KDM5A: variants seen among roughly 807,000 people sequenced by gnomAD.
The protein encoded by KDM5A is lysine demethylase 5A.
Under a neutral mutation model 193.5 loss-of-function variants are expected in KDM5A, and 42 were observed. The ratio of observed to expected loss-of-function variants is 0.22; its 90% CI spans 0.17 to 0.28. KDM5A has a LOEUF of 0.28. Among genes scored for constraint, KDM5A ranks in the 10% least tolerant of loss-of-function variants. The probability of loss-of-function intolerance (pLI) is 1.00; values close to 1 mark genes in which losing one functional copy is unlikely to be tolerated. For synonymous variants in KDM5A, 796 were observed against 718.1 expected (o/e 1.11, Z -1.73); for missense variants, 1,692 against 2,055.1 (o/e 0.82, Z 3.42).
chr12:318,610 T>C (rs1943679555), intron 18 of KDM5A, 149 bp from the exon 19 acceptor site: 3 of 631,490 alleles, frequency 4.8e-6, no homozygotes, highest in Non-Finnish European at 2.8e-6. Flanking sequence ...GACAGTTAAA[T>C]TAATAAATAT....
At chr12:322,614 A>G in intron 16 of KDM5A, 47 bp from the exon 17 acceptor site, 1 of 1,551,356 alleles carries the variant, frequency 6.4e-7, no homozygotes, top group South Asian at 1.1e-5. Flanking sequence ...CATAGACACA[A>G]AAAGCCATTC....
At chr12:344,166 G>A (rs1944041847) in intron 10 of KDM5A, among the ~76,000 whole-genome samples, 1 of 152,216 alleles carries the variant, frequency 6.6e-6, no homozygotes, top group Non-Finnish European at 1.5e-5. Context: ...AAGGGTATCA[G>A]TGATTGAAGA....
At chr12:316,824 CTAAT>C (rs1163721386) in intron 19 of KDM5A, among the ~76,000 whole-genome samples, 1 of 152,142 alleles carries the variant, frequency 6.6e-6, no homozygotes, top group East Asian at 1.9e-4. Context: ...CAGAGCTGTG[CTAAT>C]TAAATCACCT....
At chr12:370,068 G>A (rs1349693660) in intron 3 of KDM5A, among the ~76,000 whole-genome samples, 1 of 152,142 alleles carries the variant, frequency 6.6e-6, no homozygotes, top group East Asian at 1.9e-4. Flanking sequence ...TCTTTGGCTG[G>A]CAGATTCAAA....
At chr12:354,281 T>A (rs1944202681) in intron 7 of KDM5A, 47 bp from the exon 8 acceptor site, 1 of 1,377,346 alleles carries the variant, frequency 7.3e-7, no homozygotes, top group African/African-American at 1.5e-5. Flanking sequence ...TAATAAATAA[T>A]AAATTTTTAC....
chr12:338,680 T>C (rs1018657144), intron 10 of KDM5A, among the ~76,000 whole-genome samples: 3 of 152,142 alleles, frequency 2.0e-5, no homozygotes, highest in African/African-American at 7.2e-5. Context: ...CATCTCAACA[T>C]GTGATAAGGA....
intron 13 of KDM5A, among the ~76,000 whole-genome samples, chr12:331,577 A>T (rs905013214): frequency 2.0e-5 from 3 of 152,244 alleles, no homozygotes; most frequent in African/African-American, 7.2e-5. Flanking sequence ...ATGGAAGTGA[A>T]GGAAGCAAGT....
In KDM5A at chr12:388,978, G is replaced by A; in HGVS notation, c.114C>T (p.Arg38=). 3 of 1,614,210 alleles carry A rather than the reference G, an allele frequency of 1.9e-6. No homozygotes were observed. The highest frequency in any genetic ancestry group is 2.2e-5 in the South Asian group (2 of 91,090). Residue 38 remains arginine, a synonymous_variant, in exon 1 of 28, where the codon CGC becomes CGT. Coordinates refer to ENST00000399788, the MANE Select transcript of KDM5A (RefSeq NM_001042603.3). ...EFTDPLSFIG[R]IRPLAEKTGI... ...CGGTTTTCTCCGCCAAAGGCCGGAT[G>A]CGGCCGATAAAGCTGAGCGGATCTG...
intron 27 of KDM5A, among the ~76,000 whole-genome samples, chr12:290,883 T>C (rs369401690): frequency 3.3e-5 from 5 of 152,228 alleles, no homozygotes; most frequent in East Asian, 3.9e-4. Flanking sequence ...GTAAACATTA[T>C]AGAAAGAATG....
chr12:322,340 C>A, intron 17 of KDM5A, 77 bp downstream of exon 17: 1 of 1,379,382 alleles, frequency 7.2e-7, no homozygotes, highest in Non-Finnish European at 1.0e-6. Context: ...TACGGCTTCA[C>A]AGGCCGGATA....
In KDM5A at chr12:299,661, T is replaced by A. The variant is rs1432918509; in HGVS notation, c.4075-2461A>T. On this transcript the variant is annotated intron_variant, in intron 24 of 27. Transcript: ENST00000399788. ...TCAACTAACAGGCAAAATAACCAGCTAACATCATAATGACAGGATCAAATT... is the reference window on the plus strand; with the variant it reads ...TCAACTAACAGGCAAAATAACCAGCAAACATCATAATGACAGGATCAAATT... Among the ~76,000 whole-genome samples the A allele has an allele frequency of 3.3e-5, 5 of 152,112 alleles. No homozygotes were observed. The East Asian group carries it at 9.6e-4, about 29-fold the overall frequency.
intron 18 of KDM5A, among the ~76,000 whole-genome samples, chr12:319,335 G>C (rs904651273): frequency 4.6e-5 from 7 of 152,190 alleles, no homozygotes; most frequent in African/African-American, 7.2e-5. Context: ...GCATAGTTTA[G>C]GCAACGGAGA....
chr12:367,582 A>T (rs1944373448), intron 3 of KDM5A, among the ~76,000 whole-genome samples: 1 of 152,258 alleles, frequency 6.6e-6, no homozygotes, highest in South Asian at 2.1e-4. Flanking sequence ...CACACCTATA[A>T]TCCCAGCTAC....
At chr12:372,728 T>G (rs566164185) in intron 3 of KDM5A, among the ~76,000 whole-genome samples, 1 of 152,202 alleles carries the variant, frequency 6.6e-6, no homozygotes, top group Non-Finnish European at 1.5e-5. Context: ...GGCTGTGGGT[T>G]TGTCATAAAT....
intron 19 of KDM5A, among the ~76,000 whole-genome samples, chr12:316,264 T>G (rs1228825685): frequency 6.6e-6 from 1 of 152,258 alleles, no homozygotes; most frequent in Non-Finnish European, 1.5e-5. Flanking sequence ...ACACTAATTA[T>G]TTGAAATTCA....
At chr12:372,455 T>C (rs1944440980) in intron 3 of KDM5A, among the ~76,000 whole-genome samples, 1 of 152,238 alleles carries the variant, frequency 6.6e-6, no homozygotes, top group African/African-American at 2.4e-5. Context: ...TCCTGAGACT[T>C]TGCTGAAGTT....
chr12:389,002 T>G lies in KDM5A; in HGVS notation c.90A>C (p.Thr30=). 6.2e-7 allele frequency: 1 copy of G among 1,613,988 alleles called. No individual in the cohort carries two copies. Among genetic ancestry groups the G allele is most frequent in the South Asian group, 1.1e-5 (1 of 91,078 alleles). The stretch of plus-strand genomic sequence containing the variant: ...TGCGGCCGATAAAGCTGAGCGGATC[T>G]GTGAACTCCTCCCAACTCGGCTCAA... The part of the protein sequence containing the change: ...PVFEPSWEEF[T]DPLSFIGRIR... The change falls in exon 1 of 28, where the codon ACA becomes ACC. Residue 30 remains threonine, a synonymous_variant. Coordinates refer to ENST00000399788, the MANE Select transcript of KDM5A (RefSeq NM_001042603.3).
chr12:372,808 T>C (rs893255268), intron 3 of KDM5A, among the ~76,000 whole-genome samples: 5 of 152,244 alleles, frequency 3.3e-5, no homozygotes, highest in African/African-American at 1.2e-4. Flanking sequence ...TGAAGCATTG[T>C]TGAATTTTGT....
At position 309,812 on chromosome 12, in the gene KDM5A, T is replaced by C; in HGVS notation, c.3369A>G (p.Thr1123=). The change falls in exon 22 of 28, where the codon ACA becomes ACG. Residue 1123 remains threonine (T), a synonymous_variant. Transcript: ENST00000399788. The part of the protein sequence containing the change: ...LEEGLEETRD[T]AMVVAVFKER... Reference sequence around the variant, plus strand: ...CTAGGTAATTTCTTACCACCATGGCTGTATCTCTGGTTTCCTCCAATCCTT... The same window carrying C: ...CTAGGTAATTTCTTACCACCATGGCCGTATCTCTGGTTTCCTCCAATCCTT... 1 of 1,614,166 alleles carries C rather than the reference T, an allele frequency of 6.2e-7. No individual in the cohort carries two copies. Among genetic ancestry groups the C allele is most frequent in the Non-Finnish European group, 8.5e-7 (1 of 1,179,998 alleles).
Sources: gnomAD v4.1 joint callset for allele counts (sites outside exome capture counted in the v4.1 genomes callset) on GRCh38, gnomAD v4.1.1 for gene constraint, MANE v1.5 for transcripts, NCBI Gene and HGNC (gene_info 2026-07-23, HGNC 2026-07-21) for gene names.